UBE3C: variants seen among roughly 807,000 people sequenced by gnomAD.
The protein encoded by UBE3C is ubiquitin-protein ligase E3C.
Under a neutral mutation model 129.4 loss-of-function variants are expected in UBE3C, and 42 were observed. The observed-to-expected ratio is 0.32, with a 90% CI of 0.25 to 0.42. UBE3C has a LOEUF of 0.42. Ranked by LOEUF, UBE3C falls within the 10% of genes least tolerant of loss-of-function variation. UBE3C has a pLI of 1.00. For missense variants in UBE3C, 1,049 were observed against 1,319.1 expected, an observed-to-expected ratio of 0.80 and a Z score of 3.17; for synonymous variants, 510 against 492.4, an observed-to-expected ratio of 1.04 and a Z score of -0.47.
At chr7:157,153,277 G>A (rs1807809132) in intron 1 of UBE3C, among the ~76,000 whole-genome samples, 1 of 152,114 alleles carries the variant, frequency 6.6e-6, no homozygotes, top group Non-Finnish European at 1.5e-5. Flanking sequence ...ATTGTTGGCA[G>A]TTAGTATGGT....
intron 10 of UBE3C, among the ~76,000 whole-genome samples, chr7:157,193,991 C>T (rs1440306795): frequency 1.3e-5 from 2 of 152,182 alleles, no homozygotes; most frequent in Non-Finnish European, 2.9e-5. Flanking sequence ...TCTATAGGCA[C>T]TGAACTGATA....
rs772888764 is a variant in UBE3C at position 157,178,807 on chromosome 7, G to A, written c.576G>A (p.Val192=). The A allele has an allele frequency of 2.5e-6, 4 of 1,614,222 alleles. No homozygotes were observed. The highest frequency in any genetic ancestry group is 3.4e-6 in the Non-Finnish European group (4 of 1,180,028). ...LPVLQDASYV[V]SVIEQILHYM... ...TTTTACAAGATGCTAGCTATGTGGT[G>A]TCAGTGATTGAACAAATTTTGCACT... The change falls in exon 6 of 23, where the codon GTG becomes GTA. Residue 192 remains valine (V), a synonymous_variant. Coordinates refer to ENST00000348165, the MANE Select transcript of UBE3C (RefSeq NM_014671.3).
chr7:157,251,260 TC>T (rs1229045920), intron 19 of UBE3C, among the ~76,000 whole-genome samples: 2 of 152,260 alleles, frequency 1.3e-5, no homozygotes, highest in African/African-American at 2.4e-5. Flanking sequence ...TGTTAATTAA[TC>T]ATCCCTTTTA....
intron 1 of UBE3C, among the ~76,000 whole-genome samples, chr7:157,158,940 C>G (rs1461094720): frequency 6.6e-6 from 1 of 152,230 alleles, no homozygotes; most frequent in Middle Eastern, 3.2e-3. Context: ...GAACTAAAGT[C>G]TGCTCCCTTT....
rs1005870582 is a variant in UBE3C at position 157,197,820 on chromosome 7, A to G, written c.1332-3901A>G. 4.3e-6 allele frequency: 7 copies of G among 1,612,984 alleles called. No individual in the cohort carries two copies. The African/African-American group carries it at 5.3e-5, about 12-fold the overall frequency. Reference sequence around the variant, plus strand: ...ACTCCCATCTGCTAACCTGATTTGAATTTTTGTTGTTGGCACTGAATCATC... The same window carrying G: ...ACTCCCATCTGCTAACCTGATTTGAGTTTTTGTTGTTGGCACTGAATCATC... On this transcript the variant is annotated intron_variant, in intron 10 of 22. Coordinates refer to ENST00000348165, the MANE Select transcript of UBE3C (RefSeq NM_014671.3).
rs1301124616 is a variant in UBE3C, at chr7:157,175,137, C to CCTTTTTT, written c.458+103_458+104insCTTTTTT. 4.5e-4 allele frequency: 114 copies of CCTTTTTT among 252,736 alleles called. 1 individual carries two copies. The highest frequency in any genetic ancestry group is 4.4e-3 in the African/African-American group (106 of 24,202). 15.7% of individuals were successfully genotyped at this position (252,736 alleles called of 1,614,324 possible). A position where few individuals can be genotyped will look rare whatever the true frequency, so the allele number is the denominator to read the frequency against. On this transcript the variant is annotated intron_variant, in intron 5 of 22. Coordinates refer to ENST00000348165, the MANE Select transcript of UBE3C (RefSeq NM_014671.3). The stretch of plus-strand genomic sequence containing the variant: ...TTTCAGAGACAGTGGCTTTTCCATA[C>CCTTTTTT]TTTTTTTTTTTTTTTTTTTTTGAGG...
chr7:157,192,686 G>C (rs983815601), intron 10 of UBE3C: 1 of 776,470 alleles, frequency 1.3e-6, no homozygotes, highest in Non-Finnish European at 2.3e-6. Flanking sequence ...ATTAGAAGGT[G>C]GATGAGAATG....
At chr7:157,160,101 G>A (rs1808028169) in intron 1 of UBE3C, among the ~76,000 whole-genome samples, 1 of 149,688 alleles carries the variant, frequency 6.7e-6, no homozygotes, top group Non-Finnish European at 1.5e-5. Flanking sequence ...CTGAGATGGA[G>A]TCTCGTTCTA....
At chr7:157,143,880 T>C (rs889534694) in intron 1 of UBE3C, among the ~76,000 whole-genome samples, 1 of 152,108 alleles carries the variant, frequency 6.6e-6, no homozygotes, top group African/African-American at 2.4e-5. Flanking sequence ...ACTCGTGAGG[T>C]ACTGCAACAT....
At chr7:157,197,512 T>TG in intron 10 of UBE3C, 11 of 760,026 alleles carry the variant, frequency 1.4e-5, no homozygotes, top group Non-Finnish European at 2.0e-5. Flanking sequence ...ATAATTTGTT[T>TG]TTTTTTTTTT....
Position 157,181,500 on chromosome 7 carries a change from A to G in UBE3C, c.617-18A>G. The stretch of plus-strand genomic sequence containing the variant: ...CAGGAAAAGGCACTAAATTTTAAAT[A>G]TGTGTTTTTCCTTTTAGGGTATTAT... On this transcript the variant is annotated intron_variant, in intron 6 of 22. Transcript: ENST00000348165. The G allele has an allele frequency of 6.5e-7, 1 of 1,545,118 alleles. No homozygotes were observed. Among genetic ancestry groups the G allele is most frequent in the Admixed American group, 2.3e-5 (1 of 43,204 alleles).
intron 15 of UBE3C, chr7:157,221,686 G>C (rs1217225728): frequency 6.6e-6 from 1 of 151,998 alleles, no homozygotes; most frequent in Non-Finnish European, 1.5e-5. Context: ...AGGTTGCAGT[G>C]AACCAAGATC....
chr7:157,176,394 C>G (rs1412118718), intron 5 of UBE3C, among the ~76,000 whole-genome samples: 2 of 152,222 alleles, frequency 1.3e-5, no homozygotes, highest in Non-Finnish European at 2.9e-5. Context: ...CCTGCTTCAG[C>G]CTCTCAAGTA....
chr7:157,165,134 A>G (rs1215825074), intron 2 of UBE3C, among the ~76,000 whole-genome samples: 1 of 152,210 alleles, frequency 6.6e-6, no homozygotes, highest in African/African-American at 2.4e-5. Flanking sequence ...TGCTCAACCA[A>G]GAAAGATATT....
At chr7:157,202,448 G>A (rs527868819) in intron 11 of UBE3C, among the ~76,000 whole-genome samples, 1 of 152,298 alleles carries the variant, frequency 6.6e-6, no homozygotes, top group South Asian at 2.1e-4. Flanking sequence ...CCTGAGGTCA[G>A]GAGTTCAAAA....
rs1298953750 is a variant in UBE3C, at chr7:157,186,841, G to A, written c.1151G>A (p.Gly384Asp). The A allele has an allele frequency of 1.9e-6, 3 of 1,614,098 alleles. No homozygotes were observed. The highest frequency in any genetic ancestry group is 1.6e-4 in the Middle Eastern group (1 of 6,062). ...EADKPSSPEDGRLSVSYITEE... is the reference protein window; with the variant it reads ...EADKPSSPEDDRLSVSYITEE... ...TGTTCTGGTATGTTCTAGGAGGATG[G>A]CAGACTGTCAGTATCATACATAACA... Residue 384 changes from glycine to aspartate, a missense_variant, in exon 10 of 23, where the codon GGC (glycine) becomes GAC (aspartate). Physicochemically the swap from Gly to Asp is moderately conservative, Grantham distance 94 (BLOSUM62 -1). Around this residue, in one of 4 missense-constraint regions of UBE3C, gnomAD observed 489 missense variants for 513.8 expected, o/e 0.95. Coordinates refer to ENST00000348165, the MANE Select transcript of UBE3C (RefSeq NM_014671.3).
chr7:157,260,986 G>C (rs1352409023), intron 22 of UBE3C, among the ~76,000 whole-genome samples: 1 of 152,014 alleles, frequency 6.6e-6, no homozygotes, highest in East Asian at 1.9e-4. Context: ...AGAAGTAGAG[G>C]GATTTACATG....
chr7:157,212,113 C>G (rs1054650803), intron 13 of UBE3C, among the ~76,000 whole-genome samples: 15 of 152,100 alleles, frequency 9.9e-5, no homozygotes, highest in African/African-American at 3.6e-4. Flanking sequence ...TATTGCACTT[C>G]AGAACCTGGA....
intron 22 of UBE3C, among the ~76,000 whole-genome samples, chr7:157,259,105 GTGGTCC>G (rs1584828732): frequency 1.3e-5 from 2 of 152,236 alleles, no homozygotes; most frequent in Non-Finnish European, 2.9e-5. Flanking sequence ...GCTGCACAGT[GTGGTCC>G]TGGGACCAGC....
Sources: gnomAD v4.1 joint callset for allele counts (sites outside exome capture counted in the v4.1 genomes callset) on GRCh38, gnomAD v4.1.1 for gene constraint, gnomAD v4.1.1 regional missense constraint, MANE v1.5 for transcripts, NCBI Gene and HGNC (gene_info 2026-07-23, HGNC 2026-07-21) for gene names.